The following LAMA2 variants were observed in gnomAD, a reference collection of about 807,000 sequenced individuals.
LAMA2 encodes laminin subunit alpha-2.
In LAMA2, 269 loss-of-function variants were observed where a neutral mutation model predicts 364.8. The ratio of observed to expected loss-of-function variants is 0.74; its 90% confidence interval spans 0.67 to 0.82. LAMA2 has a LOEUF of 0.82. Ranked by LOEUF, LAMA2 falls within the 40% of genes least tolerant of loss-of-function variation. The probability of loss-of-function intolerance (pLI) is 0.00; values close to 1 mark genes in which losing one functional copy is unlikely to be tolerated. For synonymous variants in LAMA2, 1,379 were observed against 1,370.6 expected (o/e 1.01, Z -0.14); for missense variants, 3,807 against 3,873.2 (o/e 0.98, Z 0.45).
At chr6:129,360,221 A>T (rs1777383679) in intron 32 of LAMA2, among the ~76,000 whole-genome samples, 1 of 152,146 alleles carries the variant, frequency 6.6e-6, no homozygotes, top group Non-Finnish European at 1.5e-5. Context: ...ACTGCACTTT[A>T]TCAAAGAACA....
At chr6:129,252,964 T>C (rs1037768400) in intron 14 of LAMA2, among the ~76,000 whole-genome samples, 43 of 152,318 alleles carry the variant, frequency 2.8e-4, no homozygotes, top group African/African-American at 9.4e-4. Context: ...GGGTCTTTGT[T>C]AACATGATAT....
At position 129,297,967 on chromosome 6, in the gene LAMA2, C is replaced by A. The variant is rs548507905; in HGVS notation, c.3037+102C>A. ...TTAAAGGAAGCACAGATTGATACAA[C>A]GTATTTAACATAATGAGTAATGTCT... On this transcript the variant is annotated intron_variant, in intron 21 of 64. Transcript: ENST00000421865. The A allele has an allele frequency of 4.8e-5, 44 of 908,624 alleles. 1 individual carries two copies. The African/African-American group carries it at 5.4e-4, about 11-fold the overall frequency. 56.3% of individuals were successfully genotyped at this position (908,624 alleles called of 1,614,324 possible). A position where few individuals can be genotyped will look rare whatever the true frequency, so the allele number is the denominator to read the frequency against.
At chr6:128,903,624 G>C (rs796529540) in intron 1 of LAMA2, among the ~76,000 whole-genome samples, 30 of 152,262 alleles carry the variant, frequency 2.0e-4, no homozygotes, top group African/African-American at 6.7e-4. Context: ...TGGACATTAA[G>C]CTGTAATTGT....
chr6:129,170,359 T>C (rs1443303525), intron 9 of LAMA2, among the ~76,000 whole-genome samples: 1 of 147,640 alleles, frequency 6.8e-6, no homozygotes, highest in Admixed American at 6.7e-5. Context: ...TCTGGTATGT[T>C]GTGTCTTTGT....
intron 1 of LAMA2, among the ~76,000 whole-genome samples, chr6:128,949,873 T>A (rs1780706483): frequency 6.6e-6 from 1 of 152,164 alleles, no homozygotes; most frequent in African/African-American, 2.4e-5. Flanking sequence ...CCACCAAGTG[T>A]TAAAGATGAA....
chr6:129,476,985 T>C (rs144895171), intron 53 of LAMA2, among the ~76,000 whole-genome samples: 1 of 151,086 alleles, frequency 6.6e-6, no homozygotes, highest in African/African-American at 2.4e-5. Context: ...TCATGCCATG[T>C]GTTTTTCATT....
chr6:129,178,930 G>A (rs1780770623), intron 10 of LAMA2, among the ~76,000 whole-genome samples: 1 of 152,144 alleles, frequency 6.6e-6, no homozygotes, highest in African/African-American at 2.4e-5. Flanking sequence ...GGCAATTTAG[G>A]TTCCTATTTT....
At chr6:129,387,513 C>G (rs977209359) in intron 35 of LAMA2, among the ~76,000 whole-genome samples, 1 of 152,034 alleles carries the variant, frequency 6.6e-6, no homozygotes, top group African/African-American at 2.4e-5. Context: ...CTCAAGGATC[C>G]AGAACCAGAA....
chr6:129,429,522 G>A (rs183337946), intron 41 of LAMA2, among the ~76,000 whole-genome samples: 6 of 152,252 alleles, frequency 3.9e-5, no homozygotes, highest in East Asian at 3.9e-4. Flanking sequence ...GTTCTATCTC[G>A]ATTATAAGTA....
chr6:129,515,770 A>ATATGTTATAACT (rs1562646466), intron 64 of LAMA2, among the ~76,000 whole-genome samples: 1 of 152,186 alleles, frequency 6.6e-6, no homozygotes, highest in Admixed American at 6.5e-5. Flanking sequence ...AGATGTTTTC[A>ATATGTTATAACT]TATGTTATAA....
At chr6:129,317,273 T>C (rs1774671491) in intron 27 of LAMA2, among the ~76,000 whole-genome samples, 1 of 152,198 alleles carries the variant, frequency 6.6e-6, no homozygotes, top group African/African-American at 2.4e-5. Flanking sequence ...TATGAGAATA[T>C]AGAATCGATA....
chr6:129,033,895 G>GTTT lies in LAMA2; in HGVS notation c.113-16013_113-16011dup, dbSNP rs10686168. Among the ~76,000 whole-genome samples the GTTT allele has an allele frequency of 2.8e-3, 407 of 147,154 alleles. 2 individuals carry two copies. Among genetic ancestry groups the GTTT allele is most frequent in the South Asian group, 0.024 (113 of 4,698 alleles). ...TTCCAAATAAGTGCCCCAGCTATGGGTTTTTTTTTTTTCTCATAATGATTC... is the reference window on the plus strand; with the variant it reads ...TTCCAAATAAGTGCCCCAGCTATGGGTTTTTTTTTTTTTTTCTCATAATGATTC... On this transcript the variant is annotated intron_variant, in intron 1 of 64. Transcript: ENST00000421865.
Position 129,316,161 on chromosome 6 carries a change from C to G in LAMA2, c.4048C>G (p.Arg1350Gly), listed in dbSNP as rs756854513. ...CAAAGCTACTTATGGAAATTTCATG[C>G]GACAAAGCAGGTAAACTCTAATAGA... is the stretch of plus-strand genomic sequence containing the variant. The part of the protein sequence containing the change: ...LIKATYGNFM[R>G]QSRISEISME... The change falls in exon 27 of 65, where the codon CGA (arginine) becomes GGA (glycine). Residue 1350 changes from arginine (R) to glycine (G), a missense_variant. This residue lies in a region of LAMA2 where 3,333 missense variants were observed against 3,345.7 expected (regional missense o/e 1.00). Transcript: ENST00000421865. The G allele has an allele frequency of 7.5e-6, 12 of 1,603,676 alleles. No individual in the cohort carries two copies. Among genetic ancestry groups the G allele is most frequent in the Non-Finnish European group, 1.0e-5 (12 of 1,172,336 alleles).
chr6:129,222,201 A>G (rs562023442), intron 12 of LAMA2, among the ~76,000 whole-genome samples: 3 of 152,286 alleles, frequency 2.0e-5, no homozygotes, highest in South Asian at 4.1e-4. Flanking sequence ...GGTAAATGAA[A>G]AAATAAAATA....
intron 12 of LAMA2, among the ~76,000 whole-genome samples, chr6:129,209,815 A>G (rs1259985914): frequency 6.6e-6 from 1 of 151,876 alleles, no homozygotes; most frequent in African/African-American, 2.4e-5. Context: ...CATCCTGGCT[A>G]ACACGATGAA....
chr6:129,491,086 T>C (rs977583295), intron 56 of LAMA2: 1 of 152,204 alleles, frequency 6.6e-6, no homozygotes, highest in Admixed American at 6.5e-5. Flanking sequence ...TGAAGTAAGT[T>C]TTCAGTAATC....
At chr6:129,249,418 A>G (rs1447778647) in intron 12 of LAMA2, among the ~76,000 whole-genome samples, 1 of 152,168 alleles carries the variant, frequency 6.6e-6, no homozygotes, top group Non-Finnish European at 1.5e-5. Context: ...GTGACTGTCA[A>G]TGTCAGAAAA....
chr6:128,986,089 A>G (rs866734437), intron 1 of LAMA2, among the ~76,000 whole-genome samples: 3 of 152,114 alleles, frequency 2.0e-5, no homozygotes, highest in African/African-American at 7.2e-5. Flanking sequence ...TTGTATCTCT[A>G]TGAACTCATA....
intron 58 of LAMA2, among the ~76,000 whole-genome samples, chr6:129,500,275 G>A (rs1785527486): frequency 6.6e-6 from 1 of 152,038 alleles, no homozygotes; most frequent in Non-Finnish European, 1.5e-5. Flanking sequence ...AATAAAGGAA[G>A]GTGATAGAAG....
Sources: gnomAD v4.1 joint callset for allele counts (sites outside exome capture counted in the v4.1 genomes callset) on GRCh38, gnomAD v4.1.1 for gene constraint, gnomAD v4.1.1 regional missense constraint, MANE v1.5 for transcripts, NCBI Gene and HGNC (gene_info 2026-07-23, HGNC 2026-07-21) for gene names.